Variants in PHF14 observed in about 807,000 individuals in gnomAD.
PHF14 encodes the protein PHD finger protein 14.
PHF14 carries 55 observed loss-of-function variants against 117.9 expected under a neutral mutation model. That is an observed-to-expected ratio of 0.47 (90% CI 0.38 to 0.58). PHF14 has a LOEUF of 0.58. Among genes scored for constraint, PHF14 ranks in the 20% least tolerant of loss-of-function variants. The probability of loss-of-function intolerance (pLI) is 0.00; values close to 1 mark genes in which losing one functional copy is unlikely to be tolerated. For missense variants in PHF14, 978 were observed against 1,122.2 expected (o/e 0.87, Z 1.84); for synonymous variants, 409 against 368.6 (o/e 1.11, Z -1.26).
At chr7:10,977,383 CG>C (rs947336473) in intron 2 of PHF14, among the ~76,000 whole-genome samples, 8 of 152,170 alleles carry the variant, frequency 5.3e-5, no homozygotes, top group Admixed American at 4.6e-4. Context: ...AACTGGATTC[CG>C]TGGATCAATT....
At chr7:11,006,408 C>T (rs1783096074) in intron 4 of PHF14, 3 of 523,586 alleles carry the variant, frequency 5.7e-6, no homozygotes, top group South Asian at 4.2e-5. Flanking sequence ...TTTAGATGAT[C>T]CCAATTTTGT....
intron 17 of PHF14, among the ~76,000 whole-genome samples, chr7:11,166,585 T>G (rs1321292998): frequency 6.6e-6 from 1 of 152,166 alleles, no homozygotes; most frequent in East Asian, 1.9e-4. Flanking sequence ...CCCTAGAGCT[T>G]TATTAGATCA....
intron 17 of PHF14, among the ~76,000 whole-genome samples, chr7:11,157,713 T>G (rs1788907482): frequency 6.6e-6 from 1 of 152,162 alleles, no homozygotes; most frequent in Non-Finnish European, 1.5e-5. Flanking sequence ...GACAATGAAT[T>G]TCATGTGTTA....
rs375346613 is a variant in PHF14 at position 11,122,350 on chromosome 7, TATAC to T, written c.2772+10885_2772+10888del. On this transcript the variant is annotated intron_variant, in intron 17 of 17. Transcript: ENST00000634607. ...TACTTTTTATATATATATATATATATATACACACACACACACACACACACACACA... is the reference window on the plus strand; with the variant it reads ...TACTTTTTATATATATATATATATATACACACACACACACACACACACACA... Among the ~76,000 whole-genome samples, 73 of 63,090 alleles carry T rather than the reference TATAC, an allele frequency of 1.2e-3. 2 individuals carry two copies. Among genetic ancestry groups the T allele is most frequent in the African/African-American group, 4.0e-3 (48 of 11,866 alleles). The allele number at this position is 63,090 out of a possible 152,430, so 41.4% of individuals were successfully genotyped here.
chr7:11,052,597 G>A (rs1583415190), intron 14 of PHF14, among the ~76,000 whole-genome samples: 1 of 152,106 alleles, frequency 6.6e-6, no homozygotes, highest in Admixed American at 6.6e-5. Context: ...TACCAGCAAT[G>A]GATAATGTTT....
intron 16 of PHF14, among the ~76,000 whole-genome samples, chr7:11,085,571 T>G (rs1319554603): frequency 6.6e-6 from 1 of 152,228 alleles, no homozygotes; most frequent in African/African-American, 2.4e-5. Flanking sequence ...ATACTCATCC[T>G]ATTTGGCCTC....
At position 11,035,329 on chromosome 7, in the gene PHF14, C is replaced by T. The variant is rs542556503; in HGVS notation, c.1456-311C>T. On this transcript the variant is annotated intron_variant, in intron 7 of 17. Coordinates refer to ENST00000634607, the MANE Select transcript of PHF14 (RefSeq NM_001007157.2). ...TGGTATCCTTGGGGGGTCCTGGAAC[C>T]AGTCCCCCATGGATATTGAAGGGCT... is the stretch of plus-strand genomic sequence containing the variant. Among the ~76,000 whole-genome samples the T allele has an allele frequency of 1.5e-3, 235 of 152,140 alleles. 1 individual carries two copies. The highest frequency in any genetic ancestry group is 2.2e-3 in the Non-Finnish European group (152 of 68,014).
At chr7:11,167,468 G>A (rs7786922) in intron 17 of PHF14, among the ~76,000 whole-genome samples, 82,803 of 151,994 alleles carry the variant, frequency 0.54, 24,094 homozygotes, top group East Asian at 0.82. Context: ...CCTTTTATTC[G>A]TTCATTATTC....
At chr7:11,017,005 G>A (rs1783557066) in intron 5 of PHF14, among the ~76,000 whole-genome samples, 1 of 152,140 alleles carries the variant, frequency 6.6e-6, no homozygotes, top group African/African-American at 2.4e-5. Flanking sequence ...TGTGATGTTT[G>A]TCTTGCTGTG....
At chr7:11,126,843 T>C (rs1219531865) in intron 17 of PHF14, among the ~76,000 whole-genome samples, 1 of 151,666 alleles carries the variant, frequency 6.6e-6, no homozygotes, top group Non-Finnish European at 1.5e-5. Flanking sequence ...TTAAACAGTA[T>C]AAAAAGAGAC....
Position 10,985,636 on chromosome 7 carries a change from C to CCGGT in PHF14, c.900+2477_900+2478insCGGT, listed in dbSNP as rs750860479. ...ATACTCTCTAGCAGTGATTCTCAAA[C>CCGGT]TGTTTTTTTTTTTTTTTTTTTTTTT... On this transcript the variant is annotated intron_variant, in intron 3 of 17. Transcript: ENST00000634607. 2.9e-4 allele frequency among the ~76,000 whole-genome samples: 26 copies of CCGGT among 90,864 alleles called. 2 individuals are homozygous for CCGGT. The East Asian group carries it at 9.8e-3, about 34-fold the overall frequency. 59.6% of individuals were successfully genotyped at this position (90,864 alleles called of 152,430 possible).
In PHF14 at chr7:11,105,031, G is replaced by C. The variant is rs898444589; in HGVS notation, c.2655-6319G>C. 21 of 895,536 alleles carry C rather than the reference G, an allele frequency of 2.3e-5. No individual in the cohort carries two copies. The Admixed American group carries it at 1.1e-3, about 45-fold the overall frequency. 55.5% of individuals were successfully genotyped at this position (895,536 alleles called of 1,614,324 possible). A position where few individuals can be genotyped will look rare whatever the true frequency, so the allele number is the denominator to read the frequency against. On this transcript the variant is annotated intron_variant, in intron 16 of 17. Coordinates refer to ENST00000634607, the MANE Select transcript of PHF14 (RefSeq NM_001007157.2). The stretch of plus-strand genomic sequence containing the variant: ...ATTTTTTTTAATTTTATAAAATTTA[G>C]TTAAATGTTTGTTTTACACTGACTA...
intron 16 of PHF14, among the ~76,000 whole-genome samples, chr7:11,095,437 T>C (rs1260952287): frequency 2.0e-5 from 3 of 152,176 alleles, no homozygotes; most frequent in African/African-American, 4.8e-5. Context: ...ATGATGGGTC[T>C]TTATTCTGTA....
intron 17 of PHF14, among the ~76,000 whole-genome samples, chr7:11,131,102 GT>G (rs1788080380): frequency 6.6e-6 from 1 of 151,670 alleles, no homozygotes; most frequent in South Asian, 2.1e-4. Flanking sequence ...AGTCTTGTTT[GT>G]TTCCAAGTTT....
In PHF14 at chr7:11,130,827, A is replaced by G. The variant is rs1027108032; in HGVS notation, c.2772+19360A>G. 6.6e-6 allele frequency among the ~76,000 whole-genome samples: 1 copy of G among 151,920 alleles called. No homozygotes were observed. The highest frequency in any genetic ancestry group is 1.5e-5 in the Non-Finnish European group (1 of 67,912). ...AAGATCTCCTGTGCTCTGCCTATTC[A>G]CCACTCCCTCTCTACCATCAAACCA... On this transcript the variant is annotated intron_variant, in intron 17 of 17. Coordinates refer to ENST00000634607, the MANE Select transcript of PHF14 (RefSeq NM_001007157.2). The surrounding 1 kb of genome is among the most constrained non-coding windows in gnomAD (Gnocchi z 4.2).
chr7:11,043,764 T>C (rs1338777264), intron 13 of PHF14, among the ~76,000 whole-genome samples: 1 of 152,160 alleles, frequency 6.6e-6, no homozygotes, highest in African/African-American at 2.4e-5. Flanking sequence ...ATGGTTTTTA[T>C]GTGCTTCAGA....
At chr7:11,038,540 C>G (rs1249343972) in intron 10 of PHF14, among the ~76,000 whole-genome samples, 3 of 151,554 alleles carry the variant, frequency 2.0e-5, no homozygotes, top group African/African-American at 7.3e-5. Flanking sequence ...CACCTGTAGT[C>G]CCACCTACTC....
chr7:11,063,885 C>T (rs1234416395), intron 16 of PHF14, among the ~76,000 whole-genome samples: 1 of 151,688 alleles, frequency 6.6e-6, no homozygotes, highest in Non-Finnish European at 1.5e-5. Flanking sequence ...TGCATTATTA[C>T]AATATGCCAA....
intron 16 of PHF14, among the ~76,000 whole-genome samples, chr7:11,085,066 G>A (rs1306765404): frequency 6.6e-6 from 1 of 151,918 alleles, no homozygotes; most frequent in Non-Finnish European, 1.5e-5. Flanking sequence ...TTTGTGTTGT[G>A]ATATTTATGT....
Sources: gnomAD v4.1 joint callset for allele counts (sites outside exome capture counted in the v4.1 genomes callset) on GRCh38, gnomAD v4.1.1 for gene constraint, Gnocchi (gnomAD v3.1) non-coding constraint, MANE v1.5 for transcripts, NCBI Gene and HGNC (gene_info 2026-07-23, HGNC 2026-07-21) for gene names.